UNC13B: variants seen among roughly 807,000 people sequenced by gnomAD.
The protein encoded by UNC13B is protein unc-13 homolog B.
UNC13B carries 144 observed loss-of-function variants against 211.0 expected under a neutral mutation model. That is an observed-to-expected ratio of 0.68 (90% confidence interval 0.60 to 0.78). The LOEUF (loss-of-function observed/expected upper bound fraction) is 0.78. Ranked by LOEUF, UNC13B falls within the 30% of genes least tolerant of loss-of-function variation. The pLI is 0.00. For synonymous variants in UNC13B, 709 were observed against 725.8 expected (o/e 0.98, Z 0.37); for missense variants, 1,777 against 2,002.0 (o/e 0.89, Z 2.14).
intron 37 of UNC13B, among the ~76,000 whole-genome samples, chr9:35,401,109 AC>A (rs1369262329): frequency 1.3e-5 from 2 of 152,172 alleles, no homozygotes; most frequent in Non-Finnish European, 2.9e-5. Flanking sequence ...TGAAATTCTG[AC>A]GCTGGAGCAG....
chr9:35,389,746 G>A, intron 24 of UNC13B, 100 bp from the exon 25 acceptor site: 2 of 1,290,444 alleles, frequency 1.5e-6, no homozygotes, highest in Non-Finnish European at 1.1e-6. Flanking sequence ...TCTAGAGGAA[G>A]AGGTATAGGA....
At chr9:35,310,014 AATG>A (rs2131858192) in intron 9 of UNC13B, among the ~76,000 whole-genome samples, 1 of 152,352 alleles carries the variant, frequency 6.6e-6, no homozygotes, top group Non-Finnish European at 1.5e-5. Context: ...TAGAGGAAGA[AATG>A]ATGACCTCAA....
intron 5 of UNC13B, among the ~76,000 whole-genome samples, chr9:35,241,013 C>T (rs1273980848): frequency 6.7e-6 from 1 of 150,016 alleles, no homozygotes; most frequent in East Asian, 2.0e-4. Flanking sequence ...GCTGAGATTC[C>T]ACCACTGCTC....
At chr9:35,289,226 T>G (rs1828960916) in intron 7 of UNC13B, among the ~76,000 whole-genome samples, 1 of 152,142 alleles carries the variant, frequency 6.6e-6, no homozygotes, top group African/African-American at 2.4e-5. Context: ...GGATTGAGGA[T>G]TAGCTCAAGT....
intron 14 of UNC13B, among the ~76,000 whole-genome samples, 164 bp from the exon 15 acceptor site, chr9:35,375,864 C>G (rs541060338): frequency 6.6e-6 from 1 of 152,270 alleles, no homozygotes; most frequent in South Asian, 2.1e-4. Context: ...GCATGTAATC[C>G]CAGCTACTTG....
chr9:35,228,616 A>G (rs1484952003), intron 2 of UNC13B, among the ~76,000 whole-genome samples: 4 of 151,972 alleles, frequency 2.6e-5, no homozygotes, highest in African/African-American at 9.7e-5. Flanking sequence ...GGTCATATAT[A>G]AAATTTCTTA....
intron 11 of UNC13B, among the ~76,000 whole-genome samples, chr9:35,323,150 C>T (rs1240692265): frequency 1.3e-5 from 2 of 151,516 alleles, no homozygotes; most frequent in Non-Finnish European, 2.9e-5. Flanking sequence ...TGTGTGTGCC[C>T]CAAAACTTGT....
chr9:35,333,234 C>G (rs1316485416), intron 11 of UNC13B, among the ~76,000 whole-genome samples: 5 of 152,124 alleles, frequency 3.3e-5, no homozygotes, highest in African/African-American at 1.2e-4. Flanking sequence ...ACCCACTAAA[C>G]TCTTTGCAGA....
Position 35,397,012 on chromosome 9 carries a change from G to A in UNC13B, c.11532+75G>A, listed in dbSNP as rs922743470. The A allele has an allele frequency of 4.4e-5, 70 of 1,602,206 alleles. No homozygotes were observed. The African/African-American group carries it at 7.4e-4, about 17-fold the overall frequency. On this transcript the variant is annotated intron_variant, in intron 28 of 39. Transcript: ENST00000635942. ...ATTAGCTATTGGCAGAAGTTCCTGG[G>A]CTTTGGCCAGGATGGCTATGCCTGC...
Position 35,295,696 on chromosome 9 carries a change from C to A in UNC13B, c.527C>A (p.Ser176Tyr). The change falls in exon 8 of 40, where the codon TCT (serine) becomes TAT (tyrosine). Residue 176 changes from serine to tyrosine, a missense_variant and splice_region_variant. Coordinates refer to ENST00000635942, the MANE Select transcript of UNC13B (RefSeq NM_001371189.2). ...KPLPTAAAQC[S>Y]FEDPDSAVDD... Reference sequence around the variant, plus strand: ...TTGATTGAATGTGCTTATTCCATAGCTTTTGAAGACCCTGATAGTGCCGTC... The same window carrying A: ...TTGATTGAATGTGCTTATTCCATAGATTTTGAAGACCCTGATAGTGCCGTC... The A allele has an allele frequency of 6.2e-7, 1 of 1,613,970 alleles. No homozygotes were observed. The highest frequency in any genetic ancestry group is 8.5e-7 in the Non-Finnish European group (1 of 1,179,908).
At position 35,236,475 on chromosome 9, in the gene UNC13B, T is replaced by G; in HGVS notation, c.159T>G (p.Ile53Met). 6.2e-7 allele frequency: 1 copy of G among 1,613,900 alleles called. No individual in the cohort carries two copies. The highest frequency in any genetic ancestry group is 8.5e-7 in the Non-Finnish European group (1 of 1,179,778). The change falls in exon 4 of 40, where the codon ATT becomes ATG. Residue 53 changes from isoleucine (I) to methionine (M), a missense_variant. Coordinates refer to ENST00000635942, the MANE Select transcript of UNC13B (RefSeq NM_001371189.2). ...GCTTTCCTCTTTCCCTTAGTGAGAT[T>G]AGTCGCCTGGACCTGGGTCTAAGTG... Reference protein sequence around the residue: ...PSWEQDFMFEISRLDLGLSVE... With the variant: ...PSWEQDFMFEMSRLDLGLSVE...
Position 35,394,133 on chromosome 9 carries a change from G to A in UNC13B, c.11309-2343G>A, listed in dbSNP as rs184380681. Reference sequence around the variant, plus strand: ...TTTGGAGGTGAAATCAGGGGCTGGCGATTTAACTGGGTATGAATAAAGAGG... The same window carrying A: ...TTTGGAGGTGAAATCAGGGGCTGGCAATTTAACTGGGTATGAATAAAGAGG... On this transcript the variant is annotated intron_variant, in intron 26 of 39. Transcript: ENST00000635942. Among the ~76,000 whole-genome samples, 509 of 152,212 alleles carry A rather than the reference G, an allele frequency of 3.3e-3. 1 individual carries two copies. The highest frequency in any genetic ancestry group is 5.0e-3 in the Admixed American group (77 of 15,300).
chr9:35,295,585 C>A, intron 7 of UNC13B, 111 bp from the exon 8 acceptor site: 1 of 982,748 alleles, frequency 1.0e-6, no homozygotes, highest in Non-Finnish European at 1.5e-6. Context: ...TGAAGCTCAG[C>A]TTGCTTTTGT....
chr9:35,162,200 G>T lies in UNC13B; in HGVS notation c.-84G>T. ...GCCAGACCCGTGGGGCCGGTAACGA[G>T]AGCAGTCGCGGCACCTGCTGAGAGG... On this transcript the variant is annotated 5_prime_UTR_variant, in exon 1 of 40. Transcript: ENST00000635942. 1 of 1,532,582 alleles carries T rather than the reference G, an allele frequency of 6.5e-7. No homozygotes were observed. Among genetic ancestry groups the T allele is most frequent in the South Asian group, 1.2e-5 (1 of 83,798 alleles). 94.9% of individuals were successfully genotyped at this position (1,532,582 alleles called of 1,614,324 possible).
chr9:35,319,441 A>G (rs1010676846), intron 11 of UNC13B, among the ~76,000 whole-genome samples: 21 of 144,234 alleles, frequency 1.5e-4, no homozygotes, highest in Non-Finnish European at 3.0e-4. Flanking sequence ...AAAAAATTAG[A>G]TACAGGGGAT....
chr9:35,262,255 C>CTTCCT (rs1164997548), intron 7 of UNC13B, among the ~76,000 whole-genome samples: 23 of 149,802 alleles, frequency 1.5e-4, no homozygotes, highest in African/African-American at 4.9e-4. Flanking sequence ...TTTCCTTTCC[C>CTTCCT]TTCCTTTCCT....
chr9:35,396,058 C>G (rs1835852514), intron 26 of UNC13B, among the ~76,000 whole-genome samples: 1 of 152,162 alleles, frequency 6.6e-6, no homozygotes, highest in African/African-American at 2.4e-5. Context: ...GCCTTTAAGC[C>G]TGTCTGAAGG....
chr9:35,375,901 A>G (rs1834369002), intron 14 of UNC13B, 127 bp from the exon 15 acceptor site: 2 of 875,282 alleles, frequency 2.3e-6, no homozygotes, highest in Non-Finnish European at 3.6e-6. Flanking sequence ...AATTGCTTGA[A>G]CCTGGGAGGT....
chr9:35,348,321 A>T (rs549571052), intron 11 of UNC13B, among the ~76,000 whole-genome samples: 1 of 152,216 alleles, frequency 6.6e-6, no homozygotes, highest in Non-Finnish European at 1.5e-5. Context: ...CTTGGCTTCT[A>T]TAGCCATTTA....
Sources: allele counts gnomAD v4.1 joint callset (sites outside exome capture counted in the v4.1 genomes callset), GRCh38; gene constraint gnomAD v4.1.1; transcripts MANE v1.5; gene names NCBI Gene and HGNC (gene_info 2026-07-23, HGNC 2026-07-21).